XRCC4: variants seen among roughly 807,000 people sequenced by gnomAD.
XRCC4 encodes X-ray repair cross complementing 4.
Under a neutral mutation model 39.1 loss-of-function variants are expected in XRCC4, and 28 were observed. The ratio of observed to expected loss-of-function variants is 0.72; its 90% CI spans 0.53 to 0.98. The LOEUF is 0.98. Ranked by LOEUF, XRCC4 falls within the 50% of genes least tolerant of loss-of-function variation. XRCC4 has a pLI of 0.00. For synonymous variants in XRCC4, 123 were observed against 126.4 expected (o/e 0.97, Z 0.18); for missense variants, 350 against 376.4 (o/e 0.93, Z 0.58).
chr5:83,257,589 G>A (rs1753589758), intron 6 of XRCC4, among the ~76,000 whole-genome samples: 2 of 152,120 alleles, frequency 1.3e-5, no homozygotes, highest in Non-Finnish European at 2.9e-5. Flanking sequence ...ACTGTTGGTG[G>A]GAGTGTAAAT....
intron 3 of XRCC4, among the ~76,000 whole-genome samples, chr5:83,187,780 C>A (rs1750520147): frequency 6.6e-6 from 1 of 152,186 alleles, no homozygotes; most frequent in African/African-American, 2.4e-5. Context: ...CTGCCCAGTA[C>A]AGCAACCATT....
intron 3 of XRCC4, among the ~76,000 whole-genome samples, chr5:83,131,436 T>G (rs534285555): frequency 6.6e-6 from 1 of 152,298 alleles, no homozygotes; most frequent in South Asian, 2.1e-4. Context: ...GTATCTTTGT[T>G]AACTTTCTGT....
In XRCC4 at chr5:83,353,237, A is replaced by G; in HGVS notation, c.1000A>G (p.Ile334Val). 2 of 1,593,336 alleles carry G rather than the reference A, an allele frequency of 1.3e-6. No homozygotes were observed. Among genetic ancestry groups the G allele is most frequent in the Non-Finnish European group, 8.5e-7 (1 of 1,171,400 alleles). Residue 334 changes from isoleucine to valine, a missense_variant, in exon 8 of 8, where the codon ATT becomes GTT. Ile to Val is a conservative substitution (Grantham distance 29, BLOSUM62 3). Coordinates refer to ENST00000396027, the MANE Select transcript of XRCC4 (RefSeq NM_003401.5). ...NSSPEDLFDE[I>V] ...CAGCCCAGAAGACCTCTTTGATGAGATTTAACAGTCTCAAAAAATACTTTG... is the reference window on the plus strand; with the variant it reads ...CAGCCCAGAAGACCTCTTTGATGAGGTTTAACAGTCTCAAAAAATACTTTG...
At chr5:83,226,279 T>G (rs1270260565) in intron 6 of XRCC4, among the ~76,000 whole-genome samples, 1 of 152,062 alleles carries the variant, frequency 6.6e-6, no homozygotes, top group Non-Finnish European at 1.5e-5. Flanking sequence ...TAATTGACTT[T>G]CCCATTAATT....
intron 3 of XRCC4, among the ~76,000 whole-genome samples, chr5:83,158,005 C>G (rs928695001): frequency 6.6e-6 from 1 of 152,040 alleles, no homozygotes; most frequent in African/African-American, 2.4e-5. Context: ...ATGGGTAGTA[C>G]ATTATATGGG....
intron 7 of XRCC4, among the ~76,000 whole-genome samples, chr5:83,344,415 C>CTTT (rs70973394): frequency 0.049 from 5,648 of 114,964 alleles, 354 homozygotes; most frequent in African/African-American, 0.13. Context: ...TTATTTTTCA[C>CTTT]TTTTTTTTTT....
chr5:83,178,014 A>T (rs1397500239), intron 3 of XRCC4, among the ~76,000 whole-genome samples: 2 of 152,128 alleles, frequency 1.3e-5, no homozygotes, highest in African/African-American at 2.4e-5. Context: ...TGAGATTGAG[A>T]TAAGGGGGAC....
At chr5:83,374,254 A>G in the XRCC4 span, among the ~76,000 whole-genome samples, 1 of 152,156 alleles carries the variant, frequency 6.6e-6, no homozygotes, top group Non-Finnish European at 1.5e-5. Flanking sequence ...CCAGTGGGAG[A>G]TCAAATCATG....
chr5:83,218,578 A>G (rs1253390494), intron 6 of XRCC4, among the ~76,000 whole-genome samples: 1 of 152,034 alleles, frequency 6.6e-6, no homozygotes, highest in East Asian at 1.9e-4. Flanking sequence ...AAACATGCAA[A>G]AACTTGGAGG....
At chr5:83,215,025 TA>T (rs548700729) in intron 6 of XRCC4, among the ~76,000 whole-genome samples, 2 of 152,114 alleles carry the variant, frequency 1.3e-5, no homozygotes, top group African/African-American at 4.8e-5. Flanking sequence ...AAACATCTTA[TA>T]TTTATAGATT....
Position 83,111,011 on chromosome 5 carries a change from G to C in XRCC4, c.140-17G>C, listed in dbSNP as rs2112399665. The C allele has an allele frequency of 2.5e-6, 4 of 1,594,218 alleles. No individual in the cohort carries two copies. The highest frequency in any genetic ancestry group is 3.4e-6 in the Non-Finnish European group (4 of 1,173,768). On this transcript the variant is annotated splice_polypyrimidine_tract_variant and intron_variant, in intron 2 of 7. Transcript: ENST00000396027. ...ATTTACTTTTCATTTTAAAACTTTT[G>C]TTAATATTTCCCATAGTTTCTGAAT...
intron 6 of XRCC4, among the ~76,000 whole-genome samples, chr5:83,215,604 C>T (rs1305991400): frequency 6.6e-6 from 1 of 152,062 alleles, no homozygotes; most frequent in Non-Finnish European, 1.5e-5. Flanking sequence ...TAAAGATAGT[C>T]ATTATATCAG....
At chr5:83,283,955 C>A (rs1317786889) in intron 7 of XRCC4, among the ~76,000 whole-genome samples, 1 of 142,422 alleles carries the variant, frequency 7.0e-6, no homozygotes, top group Non-Finnish European at 1.5e-5. Flanking sequence ...CTTGGAGAGT[C>A]TGAAGAAATA....
intron 2 of XRCC4, among the ~76,000 whole-genome samples, chr5:83,105,663 G>A (rs1004517734): frequency 6.6e-6 from 1 of 152,028 alleles, no homozygotes; most frequent in Non-Finnish European, 1.5e-5. Context: ...TGGATATAAA[G>A]TAAAAATATG....
chr5:83,108,227 A>G (rs1746289639), intron 2 of XRCC4, among the ~76,000 whole-genome samples: 1 of 151,900 alleles, frequency 6.6e-6, no homozygotes, highest in African/African-American at 2.4e-5. Context: ...TCGCGTGCTT[A>G]CAGCTATACT....
At chr5:83,154,910 G>A (rs1286376494) in intron 3 of XRCC4, among the ~76,000 whole-genome samples, 5 of 152,084 alleles carry the variant, frequency 3.3e-5, no homozygotes, top group African/African-American at 1.2e-4. Context: ...ATCATTCGCA[G>A]TCTTATTCTT....
At chr5:83,344,585 A>G (rs1756866304) in intron 7 of XRCC4, among the ~76,000 whole-genome samples, 1 of 152,042 alleles carries the variant, frequency 6.6e-6, no homozygotes, top group Non-Finnish European at 1.5e-5. Context: ...TATGCTTAAG[A>G]TTCATGTATG....
chr5:83,211,272 G>A (rs1751634098), intron 6 of XRCC4, among the ~76,000 whole-genome samples: 1 of 152,228 alleles, frequency 6.6e-6, no homozygotes. Flanking sequence ...AGTTATGCCA[G>A]CATCTGGCTG....
intron 7 of XRCC4, among the ~76,000 whole-genome samples, chr5:83,296,003 A>C (rs1450295211): frequency 6.6e-6 from 1 of 152,074 alleles, no homozygotes; most frequent in African/African-American, 2.4e-5. Context: ...TGAGAGATGA[A>C]AGGGATACTG....
Sources: allele counts gnomAD v4.1 joint callset (sites outside exome capture counted in the v4.1 genomes callset), GRCh38; gene constraint gnomAD v4.1.1; transcripts MANE v1.5; gene names NCBI Gene and HGNC (gene_info 2026-07-23, HGNC 2026-07-21).